SIPA1L1: variants seen among roughly 807,000 people sequenced by gnomAD.
SIPA1L1 encodes the protein signal-induced proliferation-associated 1-like protein 1.
SIPA1L1 carries 26 observed loss-of-function variants against 162.7 expected under a neutral mutation model. The observed-to-expected ratio is 0.16, with a 90% CI of 0.12 to 0.22. SIPA1L1 has a LOEUF of 0.22. Among genes scored for constraint, SIPA1L1 ranks in the 10% least tolerant of loss-of-function variants. SIPA1L1 has a pLI of 1.00. For synonymous variants in SIPA1L1, 829 were observed against 837.4 expected (o/e 0.99, Z 0.17); for missense variants, 1,874 against 2,241.0 (o/e 0.84, Z 3.31).
chr14:71,370,510 A>C (rs1208867253), intron 2 of SIPA1L1, among the ~76,000 whole-genome samples: 2 of 152,168 alleles, frequency 1.3e-5, no homozygotes, highest in African/African-American at 2.4e-5. Flanking sequence ...TGCATTGCTT[A>C]AGTGTAACTC....
At chr14:71,456,146 T>C (rs957162872) in intron 2 of SIPA1L1, among the ~76,000 whole-genome samples, 19 of 152,256 alleles carry the variant, frequency 1.2e-4, no homozygotes, top group Admixed American at 1.2e-3. Context: ...ATATTTCTTT[T>C]ACTAATATGT....
intron 2 of SIPA1L1, among the ~76,000 whole-genome samples, chr14:71,456,426 G>A (rs545453875): frequency 8.5e-5 from 13 of 152,234 alleles, no homozygotes; most frequent in African/African-American, 2.9e-4. Context: ...ATATTACAGT[G>A]GATAACTGTT....
intron 11 of SIPA1L1, 64 bp from the exon 12 acceptor site, chr14:71,672,284 T>C (rs1187509131): frequency 1.3e-6 from 2 of 1,532,392 alleles, no homozygotes; most frequent in Admixed American, 1.7e-5. Context: ...GATTTTCCAG[T>C]TCCATGTCCA....
At chr14:71,411,800 T>C (rs904625432) in intron 2 of SIPA1L1, among the ~76,000 whole-genome samples, 2 of 152,202 alleles carry the variant, frequency 1.3e-5, no homozygotes, top group Non-Finnish European at 2.9e-5. Context: ...TCAGCCTGAT[T>C]TGGGTAGTTC....
intron 19 of SIPA1L1, among the ~76,000 whole-genome samples, chr14:71,725,825 G>T (rs1165172352): frequency 6.6e-6 from 1 of 152,192 alleles, no homozygotes; most frequent in Non-Finnish European, 1.5e-5. Context: ...TGTTCTCTAG[G>T]TTCTTAGGTG....
At chr14:71,468,639 C>T (rs1232552661) in intron 2 of SIPA1L1, among the ~76,000 whole-genome samples, 9 of 152,190 alleles carry the variant, frequency 5.9e-5, no homozygotes, top group African/African-American at 2.2e-4. Flanking sequence ...GGAGTACTTG[C>T]TTTCTAGTGT....
intron 13 of SIPA1L1, among the ~76,000 whole-genome samples, chr14:71,694,993 C>T (rs1256661772): frequency 1.3e-5 from 2 of 152,160 alleles, no homozygotes; most frequent in Non-Finnish European, 2.9e-5. Context: ...TCTTGAAGCA[C>T]CTCTTCAAAG....
intron 7 of SIPA1L1, among the ~76,000 whole-genome samples, chr14:71,635,515 T>G (rs2041050054): frequency 6.6e-6 from 1 of 152,228 alleles, no homozygotes; most frequent in Non-Finnish European, 1.5e-5. Flanking sequence ...TTTCTACACT[T>G]CGCTTCAATT....
At chr14:71,466,135 GA>G (rs2046977232) in intron 2 of SIPA1L1, among the ~76,000 whole-genome samples, 1 of 152,248 alleles carries the variant, frequency 6.6e-6, no homozygotes, top group East Asian at 1.9e-4. Flanking sequence ...TTCATATATT[GA>G]ATGAGATCAT....
At chr14:71,474,143 T>C (rs2047674798) in intron 2 of SIPA1L1, among the ~76,000 whole-genome samples, 1 of 152,184 alleles carries the variant, frequency 6.6e-6, no homozygotes, top group Non-Finnish European at 1.5e-5. Context: ...TTATAAAGAT[T>C]CCTACAGAGA....
chr14:71,677,547 C>T (rs1489913205), intron 12 of SIPA1L1, among the ~76,000 whole-genome samples: 2 of 152,026 alleles, frequency 1.3e-5, no homozygotes, highest in Non-Finnish European at 2.9e-5. Context: ...AAGTCCTTGC[C>T]CTTGCGTATG....
At position 71,590,021 on chromosome 14, in the gene SIPA1L1, TAAAAAAA is replaced by T. The variant is rs200463823; in HGVS notation, c.1498+669_1498+675del. ...CTAATCTTTTCTTTGAGTGGGAGAGTAAAAAAAAAAAAAAAAAAAAAAAATATATATA... is the reference window on the plus strand; with the variant it reads ...CTAATCTTTTCTTTGAGTGGGAGAGTAAAAAAAAAAAAAAAAATATATATA... On this transcript the variant is annotated intron_variant, in intron 5 of 23. Transcript: ENST00000381232. Among the ~76,000 whole-genome samples the T allele has an allele frequency of 2.9e-3, 246 of 85,012 alleles. 2 individuals are homozygous for T. Among genetic ancestry groups the T allele is most frequent in the African/African-American group, 9.7e-3 (214 of 22,086 alleles). The allele number at this position is 85,012 out of a possible 152,430, so 55.8% of individuals were successfully genotyped here. A position where few individuals can be genotyped will look rare whatever the true frequency, so the allele number is the denominator to read the frequency against.
At chr14:71,440,026 A>C (rs1466584559) in intron 2 of SIPA1L1, among the ~76,000 whole-genome samples, 1 of 152,150 alleles carries the variant, frequency 6.6e-6, no homozygotes, top group Non-Finnish European at 1.5e-5. Context: ...AAAGCTTCTG[A>C]ACTTATTTTT....
rs571719357 is a variant in SIPA1L1 at position 71,476,241 on chromosome 14, T to C, written c.-464-36502T>C. On this transcript the variant is annotated intron_variant, in intron 2 of 23. Coordinates refer to ENST00000381232, the MANE Select transcript of SIPA1L1 (RefSeq NM_001386936.1). The stretch of plus-strand genomic sequence containing the variant: ...GTGGGGTAGAGATGGGCCTGGATTG[T>C]AGTGGACAAATTTTGGATGACTCCG... Among the ~76,000 whole-genome samples, 8 of 152,312 alleles carry C rather than the reference T, an allele frequency of 5.3e-5. No homozygotes were observed. The South Asian group carries it at 1.7e-3, about 32-fold the overall frequency.
intron 2 of SIPA1L1, among the ~76,000 whole-genome samples, chr14:71,338,618 AG>A (rs2140378202): frequency 1.3e-5 from 2 of 152,210 alleles, no homozygotes; most frequent in Non-Finnish European, 2.9e-5. Flanking sequence ...CTCCACCTTG[AG>A]AGTTTAGGTT....
intron 22 of SIPA1L1, 128 bp downstream of exon 22, chr14:71,735,519 CTT>C: frequency 1.7e-6 from 1 of 593,798 alleles, no homozygotes; most frequent in Non-Finnish European, 3.0e-6. Flanking sequence ...GGGCTAGACA[CTT>C]TACATTTTAG....
At chr14:71,406,488 G>C (rs74912432) in intron 2 of SIPA1L1, among the ~76,000 whole-genome samples, 2 of 152,164 alleles carry the variant, frequency 1.3e-5, no homozygotes, top group South Asian at 2.1e-4. Flanking sequence ...CACCTTTCTC[G>C]TGTCTTCATG....
intron 8 of SIPA1L1, 102 bp from the exon 9 acceptor site, chr14:71,658,231 A>G: frequency 1.5e-6 from 1 of 682,462 alleles, no homozygotes; most frequent in Non-Finnish European, 2.5e-6. Flanking sequence ...TTTCATCCTA[A>G]ATCATTTTCT....
chr14:71,676,112 C>CT (rs2045143718), intron 12 of SIPA1L1, among the ~76,000 whole-genome samples: 1 of 144,476 alleles, frequency 6.9e-6, no homozygotes, highest in Non-Finnish European at 1.5e-5. Flanking sequence ...TCAAATGATT[C>CT]ACCAGCCTTC....
Sources: allele counts gnomAD v4.1 joint callset (sites outside exome capture counted in the v4.1 genomes callset), GRCh38; gene constraint gnomAD v4.1.1; transcripts MANE v1.5; gene names NCBI Gene and HGNC (gene_info 2026-07-23, HGNC 2026-07-21).